The following FBXO25 variants were observed in gnomAD, a reference collection of about 807,000 sequenced individuals.
The protein encoded by FBXO25 is F-box only protein 25.
In FBXO25, 45 loss-of-function variants were observed where a neutral mutation model predicts 51.9. The ratio of observed to expected loss-of-function variants is 0.87; its 90% CI spans 0.68 to 1.11. The LOEUF (loss-of-function observed/expected upper bound fraction) is 1.11, where lower values mean the gene tolerates loss of function less well. Ranked by LOEUF, FBXO25 falls within the 50% of genes most tolerant of loss-of-function variation. The probability of loss-of-function intolerance (pLI) is 0.00; values close to 1 mark genes in which losing one functional copy is unlikely to be tolerated. For missense variants in FBXO25, 507 were observed against 428.5 expected (o/e 1.18, Z -1.62); for synonymous variants, 199 against 151.0 (o/e 1.32, Z -2.33).
chr8:428,394 G>A (rs1371615823), intron 2 of FBXO25, among the ~76,000 whole-genome samples: 1 of 152,114 alleles, frequency 6.6e-6, no homozygotes, highest in Non-Finnish European at 1.5e-5. Flanking sequence ...TTCCGCTTGT[G>A]TTGTATAACG....
At chr8:444,351 G>A (rs563263136) in intron 5 of FBXO25, among the ~76,000 whole-genome samples, 17 of 152,296 alleles carry the variant, frequency 1.1e-4, no homozygotes, top group African/African-American at 4.1e-4. Flanking sequence ...CACACATGCA[G>A]TGCCAATTTA....
intron 5 of FBXO25, among the ~76,000 whole-genome samples, chr8:437,028 A>ATT (rs1798144263): frequency 6.6e-6 from 1 of 151,928 alleles, no homozygotes; most frequent in Admixed American, 6.6e-5. Context: ...CAGGACCAGC[A>ATT]TTTTATCAGT....
In FBXO25 at chr8:475,076, C is replaced by A. The variant is rs1245569228; in HGVS notation, c.*6272C>A. The A allele has an allele frequency of 2.7e-6, 1 of 376,208 alleles. No individual in the cohort carries two copies. The highest frequency in any genetic ancestry group is 5.1e-6 in the Non-Finnish European group (1 of 195,392). The allele number at this position is 376,208 out of a possible 1,614,324, so 23.3% of individuals were successfully genotyped here. A position where few individuals can be genotyped will look rare whatever the true frequency, so the allele number is the denominator to read the frequency against. On this transcript the variant is annotated 3_prime_UTR_variant, in exon 10 of 10. Coordinates refer to ENST00000350302, the MANE Select transcript of FBXO25 (RefSeq NM_183420.2). ...TGTTAAAAGTTTCCCTTATGTTTCT[C>A]CTAAATGTTTTAGTTTTAGCTCTTA...
chr8:452,423 G>GCATA (rs3217583), intron 7 of FBXO25, among the ~76,000 whole-genome samples: 37,808 of 152,018 alleles, frequency 0.25, 5,188 homozygotes, highest in African/African-American at 0.37. Flanking sequence ...CGTTCCCCAT[G>GCATA]CATAGGTGGG....
At chr8:430,523 G>C (rs1450429920) in intron 2 of FBXO25, among the ~76,000 whole-genome samples, 2 of 152,000 alleles carry the variant, frequency 1.3e-5, no homozygotes, top group Admixed American at 1.3e-4. Flanking sequence ...ACGATGACCG[G>C]CAAATAAGCA....
chr8:456,310 G>A (rs1401244928), intron 7 of FBXO25, among the ~76,000 whole-genome samples: 1 of 152,154 alleles, frequency 6.6e-6, no homozygotes, highest in Non-Finnish European at 1.5e-5. Context: ...CCTGGGCTCA[G>A]GTGATCCTCC....
intron 1 of FBXO25, among the ~76,000 whole-genome samples, chr8:408,252 A>T (rs117427427): frequency 0.059 from 8,967 of 151,994 alleles, 280 homozygotes; most frequent in Middle Eastern, 0.076. Context: ...CCTGTGTTGT[A>T]TTCCTTGTTT....
intron 5 of FBXO25, among the ~76,000 whole-genome samples, chr8:442,616 C>G (rs1798495114): frequency 6.6e-6 from 1 of 152,028 alleles, no homozygotes; most frequent in Admixed American, 6.6e-5. Flanking sequence ...ATTTCAGGCA[C>G]CTGCCACCAC....
chr8:421,346 G>T (rs1468947319), intron 2 of FBXO25, among the ~76,000 whole-genome samples: 1 of 152,220 alleles, frequency 6.6e-6, no homozygotes, highest in East Asian at 1.9e-4. Flanking sequence ...GTTAGGGAAT[G>T]CTGCCATAAC....
In FBXO25 at chr8:463,054, G is replaced by A; in HGVS notation, c.891G>A (p.Lys297=). The A allele has an allele frequency of 6.2e-7, 1 of 1,613,744 alleles. No homozygotes were observed. The highest frequency in any genetic ancestry group is 1.1e-5 in the South Asian group (1 of 90,878). Residue 297 remains lysine, a synonymous_variant, in exon 9 of 10, where the codon AAG becomes AAA. Coordinates refer to ENST00000350302, the MANE Select transcript of FBXO25 (RefSeq NM_183420.2). Reference sequence around the variant, plus strand: ...CAGAAAAAGGTCATATTGAATGGAAGTTGATGTACTTTGCACTTCAGAAAC... The same window carrying A: ...CAGAAAAAGGTCATATTGAATGGAAATTGATGTACTTTGCACTTCAGAAAC... The part of the protein sequence containing the change: ...ILSEKGHIEW[K]LMYFALQKHY...
At chr8:439,733 G>C (rs1798312488) in intron 5 of FBXO25, among the ~76,000 whole-genome samples, 1 of 152,154 alleles carries the variant, frequency 6.6e-6, no homozygotes, top group South Asian at 2.1e-4. Context: ...CTCATGTCTG[G>C]AGATGGACTC....
chr8:417,265 T>C (rs1796864533), intron 2 of FBXO25, among the ~76,000 whole-genome samples: 1 of 152,190 alleles, frequency 6.6e-6, no homozygotes, highest in African/African-American at 2.4e-5. Flanking sequence ...AGTGATTTGT[T>C]CAGGCCTATG....
At chr8:417,752 C>G (rs1796896926) in intron 2 of FBXO25, among the ~76,000 whole-genome samples, 1 of 152,172 alleles carries the variant, frequency 6.6e-6, no homozygotes, top group Non-Finnish European at 1.5e-5. Flanking sequence ...CATTGAGTTC[C>G]TCATTCATTA....
At chr8:438,284 C>G (rs1407599339) in intron 5 of FBXO25, among the ~76,000 whole-genome samples, 8 of 152,142 alleles carry the variant, frequency 5.3e-5, no homozygotes, top group Admixed American at 5.2e-4. Flanking sequence ...GTCTTGAACT[C>G]CTGACCTCAA....
intron 7 of FBXO25, among the ~76,000 whole-genome samples, chr8:453,531 T>C (rs957026856): frequency 6.6e-6 from 1 of 152,106 alleles, no homozygotes; most frequent in African/African-American, 2.4e-5. Context: ...TGAGCTGCAT[T>C]TGTAGATGCC....
At chr8:430,876 T>C (rs1247554891) in intron 2 of FBXO25, among the ~76,000 whole-genome samples, 1 of 152,208 alleles carries the variant, frequency 6.6e-6, no homozygotes, top group Non-Finnish European at 1.5e-5. Context: ...TGGTGCTTAA[T>C]AAAAACATGT....
At chr8:426,837 T>C (rs1797517436) in intron 2 of FBXO25, among the ~76,000 whole-genome samples, 2 of 135,868 alleles carry the variant, frequency 1.5e-5, no homozygotes, top group Admixed American at 1.4e-4. Context: ...TGTCGCCCTC[T>C]GCTCTGCTGC....
chr8:437,958 G>T (rs58291483), intron 5 of FBXO25, among the ~76,000 whole-genome samples: 3 of 152,088 alleles, frequency 2.0e-5, no homozygotes, highest in Admixed American at 2.0e-4. Context: ...AAGAAATGTA[G>T]AAGCATTTTT....
Position 457,408 on chromosome 8 carries a change from GC to G in FBXO25, c.661-959del, listed in dbSNP as rs1799515310. ...AGCCCACTTCTTGGGGCCAAGGACA[GC>G]CACCCTTCCTCAGCCTGGCACGTGC... is the stretch of plus-strand genomic sequence containing the variant. On this transcript the variant is annotated intron_variant, in intron 7 of 9. Coordinates refer to ENST00000350302, the MANE Select transcript of FBXO25 (RefSeq NM_183420.2). Among the ~76,000 whole-genome samples the G allele has an allele frequency of 5.3e-5, 8 of 152,338 alleles. No individual in the cohort carries two copies. In the South Asian group the frequency reaches 1.4e-3, roughly 28 times the overall value.
Sources: allele counts gnomAD v4.1 joint callset (sites outside exome capture counted in the v4.1 genomes callset), GRCh38; gene constraint gnomAD v4.1.1; transcripts MANE v1.5; gene names NCBI Gene and HGNC (gene_info 2026-07-23, HGNC 2026-07-21).